Variants in RELN observed in about 807,000 individuals in gnomAD.
RELN encodes reelin.
Under a neutral mutation model 427.6 loss-of-function variants are expected in RELN, and 108 were observed. The ratio of observed to expected loss-of-function variants is 0.25; its 90% CI spans 0.22 to 0.30. RELN has a LOEUF of 0.30. RELN is among the 10% of genes least tolerant of loss of function. The pLI is 1.00. For missense variants in RELN, 3,715 were observed against 4,302.8 expected (o/e 0.86, Z 3.82); for synonymous variants, 1,524 against 1,513.4 (o/e 1.01, Z -0.16).
intron 40 of RELN, among the ~76,000 whole-genome samples, chr7:103,552,493 C>CCTGAATT (rs1439201256): frequency 6.7e-6 from 1 of 148,446 alleles, no homozygotes; most frequent in Non-Finnish European, 1.5e-5. Flanking sequence ...CTTGTTTCTT[C>CCTGAATT]CTGAATTCTT....
rs186780760 is a variant in RELN, at chr7:103,888,581, G to A, written c.337+28494C>T. Among the ~76,000 whole-genome samples the A allele has an allele frequency of 1.2e-3, 177 of 152,312 alleles. 5 individuals are homozygous for A. Among genetic ancestry groups the A allele is most frequent in the Middle Eastern group, 6.8e-3 (2 of 294 alleles). On this transcript the variant is annotated intron_variant, in intron 2 of 64. Coordinates refer to ENST00000428762, the MANE Select transcript of RELN (RefSeq NM_005045.4). The stretch of plus-strand genomic sequence containing the variant: ...ACCATTTATTTAGCATTTTGCTAAA[G>A]AGATGGCCTCAAAATCTAGTAAAGA...
chr7:103,474,943 CT>C (rs1827981818), intron 64 of RELN, among the ~76,000 whole-genome samples: 2 of 152,136 alleles, frequency 1.3e-5, no homozygotes, highest in Admixed American at 1.3e-4. Context: ...ATTCAGTAAA[CT>C]TTTCCTCAAA....
At chr7:103,714,419 T>A (rs981731288) in intron 8 of RELN, among the ~76,000 whole-genome samples, 1 of 152,160 alleles carries the variant, frequency 6.6e-6, no homozygotes, top group Non-Finnish European at 1.5e-5. Flanking sequence ...TGGTCCTAAG[T>A]GTGCTATTTT....
chr7:103,743,295 C>T (rs1032764340), intron 6 of RELN, among the ~76,000 whole-genome samples: 1 of 152,148 alleles, frequency 6.6e-6, no homozygotes, highest in African/African-American at 2.4e-5. Flanking sequence ...CCGGTACCAG[C>T]CACTGCAAAA....
intron 2 of RELN, among the ~76,000 whole-genome samples, chr7:103,862,082 C>T (rs1320247198): frequency 6.6e-6 from 1 of 152,114 alleles, no homozygotes; most frequent in African/African-American, 2.4e-5. Context: ...GTGGTCATAA[C>T]TCCAACCTCT....
At position 103,603,265 on chromosome 7, in the gene RELN, G is replaced by GCAA; in HGVS notation, c.3333+38_3333+39insTTG. 1 of 1,499,158 alleles carries GCAA rather than the reference G, an allele frequency of 6.7e-7. No homozygotes were observed. Among genetic ancestry groups the GCAA allele is most frequent in the East Asian group, 2.3e-5 (1 of 44,278 alleles). The allele number at this position is 1,499,158 out of a possible 1,614,324, so 92.9% of individuals were successfully genotyped here. ...GAATTCAGAGTCTCATATTAAACTA[G>GCAA]CCATTGCCCCGATGACTTATCCCAG... On this transcript the variant is annotated intron_variant, in intron 24 of 64. Coordinates refer to ENST00000428762, the MANE Select transcript of RELN (RefSeq NM_005045.4). The surrounding 1 kb of genome is among the most constrained non-coding windows in gnomAD (Gnocchi z 4.3).
chr7:103,738,670 TC>T (rs1790558079), intron 6 of RELN, among the ~76,000 whole-genome samples: 1 of 135,026 alleles, frequency 7.4e-6, no homozygotes, highest in African/African-American at 2.8e-5. Context: ...CTTCCTTCCT[TC>T]CTTTTTTTTT....
At chr7:103,691,841 A>C (rs934538553) in intron 10 of RELN, among the ~76,000 whole-genome samples, 1 of 152,086 alleles carries the variant, frequency 6.6e-6, no homozygotes, top group African/African-American at 2.4e-5. Context: ...CTAAAATAAA[A>C]AGAAAAAATC....
chr7:103,581,427 C>T (rs1831126971), intron 28 of RELN, among the ~76,000 whole-genome samples: 1 of 152,102 alleles, frequency 6.6e-6, no homozygotes, highest in Non-Finnish European at 1.5e-5. Flanking sequence ...AGATCAAGGA[C>T]CCACATTCAC....
At chr7:103,909,124 T>C (rs1330963001) in intron 2 of RELN, among the ~76,000 whole-genome samples, 2 of 152,198 alleles carry the variant, frequency 1.3e-5, no homozygotes, top group African/African-American at 2.4e-5. Flanking sequence ...AAATTGTGAA[T>C]GGCTGTCCCT....
chr7:103,528,402 T>G (rs183803767), intron 46 of RELN, among the ~76,000 whole-genome samples: 1 of 152,056 alleles, frequency 6.6e-6, no homozygotes, highest in South Asian at 2.1e-4. Flanking sequence ...GGGGAGTGAC[T>G]GCTAATAAGT....
chr7:103,964,825 G>C (rs561308333), intron 1 of RELN, among the ~76,000 whole-genome samples: 45 of 152,252 alleles, frequency 3.0e-4, no homozygotes, highest in African/African-American at 1.1e-3. Context: ...AGACCACTTT[G>C]ATATGTCTGT....
intron 4 of RELN, among the ~76,000 whole-genome samples, chr7:103,772,948 G>A (rs560612637): frequency 6.6e-6 from 1 of 152,228 alleles, no homozygotes; most frequent in South Asian, 2.1e-4. Flanking sequence ...ATTTTAGAAA[G>A]CTCATTATAG....
Position 103,700,965 on chromosome 7 carries a change from T to C in RELN, c.847A>G (p.Ile283Val). ...GAGTTATTCTTGGCATATAACACGA[T>C]GATGCTGGGGTCTGAATAACTAAAG... ...CRFSYSDPSI[I>V]VLYAKNNSAD... The change falls in exon 9 of 65, where the codon ATC becomes GTC. Residue 283 changes from isoleucine (I) to valine (V), a missense_variant. Coordinates refer to ENST00000428762, the MANE Select transcript of RELN (RefSeq NM_005045.4). 6.2e-7 allele frequency: 1 copy of C among 1,612,724 alleles called. No homozygotes were observed. The highest frequency in any genetic ancestry group is 8.5e-7 in the Non-Finnish European group (1 of 1,178,834).
intron 50 of RELN, among the ~76,000 whole-genome samples, chr7:103,514,647 G>C (rs1324301702): frequency 6.7e-6 from 1 of 149,994 alleles, no homozygotes; most frequent in African/African-American, 2.4e-5. Context: ...CAACAAGAAT[G>C]AAACTGACTT....
chr7:103,842,729 T>G (rs1793582724), intron 2 of RELN, among the ~76,000 whole-genome samples: 1 of 152,100 alleles, frequency 6.6e-6, no homozygotes, highest in African/African-American at 2.4e-5. Flanking sequence ...TAAAACCTTT[T>G]AAAAGTCATT....
At chr7:103,918,951 A>T (rs764238914) in intron 1 of RELN, among the ~76,000 whole-genome samples, 1 of 152,152 alleles carries the variant, frequency 6.6e-6, no homozygotes, top group African/African-American at 2.4e-5. Context: ...CGAATCATCT[A>T]AAGAAAAAAA....
At position 103,700,991 on chromosome 7, in the gene RELN, C is replaced by T. The variant is rs143781910; in HGVS notation, c.821G>A (p.Arg274His). Residue 274 changes from arginine to histidine, a missense_variant, in exon 9 of 65, where the codon CGC becomes CAC. By Grantham distance (29) the Arg-to-His change is conservative. This residue lies in a region of RELN where 2,208 missense variants were observed against 2,361.7 expected (regional missense o/e 0.93). Transcript: ENST00000428762. ...LQFSIGSGSC[R>H]FSYSDPSIIV... ...GATGCTGGGGTCTGAATAACTAAAG[C>T]GACATGAACCTGACCCTGTAAATAG... is the stretch of plus-strand genomic sequence containing the variant. 7 of 1,605,970 alleles carry T rather than the reference C, an allele frequency of 4.4e-6. No individual in the cohort carries two copies. Among genetic ancestry groups the T allele is most frequent in the Admixed American group, 3.3e-5 (2 of 59,920 alleles).
intron 24 of RELN, among the ~76,000 whole-genome samples, chr7:103,601,167 T>C (rs1831658890): frequency 6.6e-6 from 1 of 152,132 alleles, no homozygotes; most frequent in African/African-American, 2.4e-5. Flanking sequence ...TCTGAGTACA[T>C]ACTGGTAAAA....
Sources: gnomAD v4.1 joint callset for allele counts (sites outside exome capture counted in the v4.1 genomes callset) on GRCh38, gnomAD v4.1.1 for gene constraint, gnomAD v4.1.1 regional missense constraint, Gnocchi (gnomAD v3.1) non-coding constraint, MANE v1.5 for transcripts, NCBI Gene and HGNC (gene_info 2026-07-23, HGNC 2026-07-21) for gene names.